TAFA5: variants seen among roughly 807,000 people sequenced by gnomAD.
TAFA5 encodes chemokine-like protein TAFA-5.
Under a neutral mutation model 15.3 loss-of-function variants are expected in TAFA5, and 6 were observed. The observed-to-expected ratio is 0.39, with a 90% CI of 0.21 to 0.77. The LOEUF is 0.77. TAFA5 is among the 30% of genes least tolerant of loss of function. TAFA5 has a pLI of 0.41. For missense variants in TAFA5, 161 were observed against 193.1 expected (o/e 0.83, Z 0.98); for synonymous variants, 103 against 80.7 (o/e 1.28, Z -1.48).
At chr22:48,612,690 T>C (rs1431403904) in intron 1 of TAFA5, among the ~76,000 whole-genome samples, 1 of 152,184 alleles carries the variant, frequency 6.6e-6, no homozygotes, top group Non-Finnish European at 1.5e-5. Context: ...CACGAGTGCC[T>C]TTCTCTGAGC....
chr22:48,545,554 C>T (rs1922633960), intron 1 of TAFA5: 1 of 153,786 alleles, frequency 6.5e-6, no homozygotes, highest in Non-Finnish European at 1.4e-5. Context: ...TGTTATGGAG[C>T]ATCCTGTGTT....
At chr22:48,692,136 G>A (rs536720355) in intron 2 of TAFA5, among the ~76,000 whole-genome samples, 2 of 152,224 alleles carry the variant, frequency 1.3e-5, no homozygotes, top group Admixed American at 1.3e-4. Flanking sequence ...ACCGAGACCT[G>A]AGCCCTGGCC....
intron 1 of TAFA5, among the ~76,000 whole-genome samples, chr22:48,603,837 G>A (rs1040488155): frequency 1.3e-5 from 2 of 152,106 alleles, no homozygotes; most frequent in Non-Finnish European, 2.9e-5. Flanking sequence ...GAGATCCAGT[G>A]GGCTGGCAGG....
chr22:48,702,262 G>A (rs1179998172), intron 2 of TAFA5, among the ~76,000 whole-genome samples: 4 of 152,096 alleles, frequency 2.6e-5, no homozygotes, highest in Non-Finnish European at 4.4e-5. Flanking sequence ...TGGAAGATGG[G>A]GCTGACTGGC....
intron 1 of TAFA5, among the ~76,000 whole-genome samples, chr22:48,502,209 G>C (rs978652314): frequency 6.6e-6 from 1 of 152,212 alleles, no homozygotes; most frequent in Admixed American, 6.5e-5. Context: ...TGCCTGTCCT[G>C]GTTGACCTGC....
intron 1 of TAFA5, among the ~76,000 whole-genome samples, chr22:48,640,103 C>T (rs1237979718): frequency 6.6e-6 from 1 of 152,238 alleles, no homozygotes; most frequent in African/African-American, 2.4e-5. Context: ...GCCAGTGCAG[C>T]AGATGGGGCC....
At chr22:48,743,494 A>C (rs1205021175) in intron 3 of TAFA5, among the ~76,000 whole-genome samples, 1 of 152,218 alleles carries the variant, frequency 6.6e-6, no homozygotes, top group Non-Finnish European at 1.5e-5. Context: ...GACCCCATGC[A>C]CAGGTATGGG....
intron 1 of TAFA5, chr22:48,539,583 G>T: frequency 2.3e-6 from 1 of 431,898 alleles, no homozygotes; most frequent in South Asian, 1.7e-5. Flanking sequence ...AGCCCCTCAG[G>T]TGGAAATCGG....
At chr22:48,712,529 G>C (rs1217448755) in intron 3 of TAFA5, among the ~76,000 whole-genome samples, 1 of 152,238 alleles carries the variant, frequency 6.6e-6, no homozygotes, top group Non-Finnish European at 1.5e-5. Context: ...GGGCACACAG[G>C]CTCACATGGG....
chr22:48,724,600 C>T (rs982584951), intron 3 of TAFA5, among the ~76,000 whole-genome samples: 1 of 152,204 alleles, frequency 6.6e-6, no homozygotes, highest in African/African-American at 2.4e-5. Flanking sequence ...AACACCATGA[C>T]CTAAAGAAAG....
intron 2 of TAFA5, among the ~76,000 whole-genome samples, chr22:48,693,868 T>C (rs374409041): frequency 6.6e-6 from 1 of 152,216 alleles, no homozygotes; most frequent in Non-Finnish European, 1.5e-5. Context: ...CCATCTCAGA[T>C]GGACGCAGCT....
At chr22:48,741,234 C>T (rs1158487577) in intron 3 of TAFA5, among the ~76,000 whole-genome samples, 1 of 152,066 alleles carries the variant, frequency 6.6e-6, no homozygotes, top group Admixed American at 6.6e-5. Context: ...ACTGCGAAGC[C>T]GGAGTCGTCC....
intron 3 of TAFA5, among the ~76,000 whole-genome samples, chr22:48,733,955 G>T (rs1011867811): frequency 6.6e-6 from 1 of 152,180 alleles, no homozygotes; most frequent in Admixed American, 6.5e-5. Context: ...GCTGGAATGG[G>T]CAGCCGCCTG....
intron 1 of TAFA5, among the ~76,000 whole-genome samples, chr22:48,627,960 T>C (rs992979881): frequency 1.3e-5 from 2 of 152,136 alleles, no homozygotes; most frequent in African/African-American, 2.4e-5. Flanking sequence ...CTTACCTTAC[T>C]CCCACCATCC....
Position 48,750,065 on chromosome 22 carries a change from G to C in TAFA5, c.*218G>C, listed in dbSNP as rs969692252. ...GGCCGGACTCAGACACATAGGCGGG[G>C]GGCGGCACCTGGCATCAGCAATACG... On this transcript the variant is annotated 3_prime_UTR_variant, in exon 4 of 4. Transcript: ENST00000402357. The C allele has an allele frequency of 3.4e-6, 2 of 595,520 alleles. No individual in the cohort carries two copies. Among genetic ancestry groups the C allele is most frequent in the Non-Finnish European group, 6.0e-6 (2 of 335,114 alleles). The allele number at this position is 595,520 out of a possible 1,614,324, so 36.9% of individuals were successfully genotyped here.
chr22:48,654,879 T>G (rs890433598), intron 2 of TAFA5, among the ~76,000 whole-genome samples: 2 of 151,788 alleles, frequency 1.3e-5, no homozygotes, highest in Non-Finnish European at 2.9e-5. Flanking sequence ...GGGAGCAACC[T>G]CCTTATCCCC....
chr22:48,659,535 T>C, intron 2 of TAFA5, among the ~76,000 whole-genome samples: 1 of 152,184 alleles, frequency 6.6e-6, no homozygotes, highest in Non-Finnish European at 1.5e-5. Context: ...TGGAGGAGGC[T>C]CCAAGTCAGG....
intron 3 of TAFA5, among the ~76,000 whole-genome samples, chr22:48,720,850 C>T (rs950289719): frequency 5.3e-5 from 8 of 152,178 alleles, no homozygotes; most frequent in African/African-American, 1.9e-4. Context: ...GTGCAGACCA[C>T]GGAATGCCCT....
chr22:48,549,854 G>A (rs933155812), intron 1 of TAFA5, among the ~76,000 whole-genome samples: 3 of 152,228 alleles, frequency 2.0e-5, no homozygotes, highest in African/African-American at 4.8e-5. Flanking sequence ...GGATGAACAG[G>A]CAAAGTCCCC....
Sources: gnomAD v4.1 joint callset for allele counts (sites outside exome capture counted in the v4.1 genomes callset) on GRCh38, gnomAD v4.1.1 for gene constraint, MANE v1.5 for transcripts, NCBI Gene and HGNC (gene_info 2026-07-23, HGNC 2026-07-21) for gene names.